The following IMMP2L variants were observed in gnomAD, a reference collection of about 807,000 sequenced individuals.
The protein encoded by IMMP2L is mitochondrial inner membrane protease subunit 2.
In IMMP2L, 18 loss-of-function variants were observed where a neutral mutation model predicts 19.3. The observed-to-expected ratio is 0.93, with a 90% CI of 0.64 to 1.38. IMMP2L has a LOEUF of 1.38. Ranked by LOEUF, IMMP2L falls within the 40% of genes most tolerant of loss-of-function variation. IMMP2L has a pLI of 0.00. For synonymous variants in IMMP2L, 76 were observed against 73.0 expected, an observed-to-expected ratio of 1.04 and a Z score of -0.21; for missense variants, 233 against 218.2, an observed-to-expected ratio of 1.07 and a Z score of -0.43.
intron 3 of IMMP2L, among the ~76,000 whole-genome samples, chr7:111,242,900 A>AT (rs1815284714): frequency 6.6e-6 from 1 of 152,072 alleles, no homozygotes. Flanking sequence ...TTTAGAAACA[A>AT]TTATTGTCCA....
chr7:110,886,624 C>A lies in IMMP2L; in HGVS notation c.377G>T (p.Gly126Val). The part of the protein sequence containing the change: ...GHIWVEGDHH[G>V]HSFDSNSFGP... ...AAAAGAATTACTGTCAAAACTGTGT[C>A]CATGATGATCACCTTCAACCCAGAT... The change falls in exon 5 of 6, where the codon GGA becomes GTA. Residue 126 changes from glycine (G) to valine (V), a missense_variant. Physicochemically the swap from Gly to Val is moderately radical, Grantham distance 109. Coordinates refer to ENST00000405709, the MANE Select transcript of IMMP2L (RefSeq NM_032549.4). 1 of 1,606,040 alleles carries A rather than the reference C, an allele frequency of 6.2e-7. No individual in the cohort carries two copies. Among genetic ancestry groups the A allele is most frequent in the Non-Finnish European group, 8.5e-7 (1 of 1,172,892 alleles).
At chr7:111,498,267 G>T (rs972401881) in intron 2 of IMMP2L, among the ~76,000 whole-genome samples, 2 of 152,024 alleles carry the variant, frequency 1.3e-5, no homozygotes, top group Non-Finnish European at 2.9e-5. Flanking sequence ...CATGTTTTGA[G>T]ATAGCTATTC....
intron 5 of IMMP2L, among the ~76,000 whole-genome samples, chr7:110,754,584 T>G (rs1797928161): frequency 6.6e-6 from 1 of 152,090 alleles, no homozygotes; most frequent in African/African-American, 2.4e-5. Flanking sequence ...GATATTAACT[T>G]GGATTTTGAA....
chr7:111,220,511 GTTAAA>G (rs1270259669), intron 3 of IMMP2L, among the ~76,000 whole-genome samples: 1 of 151,706 alleles, frequency 6.6e-6, no homozygotes, highest in Non-Finnish European at 1.5e-5. Context: ...AAAAATAATT[GTTAAA>G]TTAAATATTC....
chr7:111,022,599 A>AAT (rs1826399155), intron 3 of IMMP2L, among the ~76,000 whole-genome samples: 1 of 152,224 alleles, frequency 6.6e-6, no homozygotes, highest in African/African-American at 2.4e-5. Flanking sequence ...GGACATGTGT[A>AAT]ATACCCCTTT....
At chr7:110,666,448 G>C in intron 5 of IMMP2L, among the ~76,000 whole-genome samples, 1 of 152,048 alleles carries the variant, frequency 6.6e-6, no homozygotes, top group East Asian at 1.9e-4. Context: ...CTAATTTTTT[G>C]TATTTTTAGT....
chr7:111,138,821 T>A (rs979305726), intron 3 of IMMP2L, among the ~76,000 whole-genome samples: 5 of 152,186 alleles, frequency 3.3e-5, no homozygotes, highest in Non-Finnish European at 7.4e-5. Flanking sequence ...ATTTGGTCAC[T>A]TGCCTGGAAT....
chr7:111,026,927 G>A (rs1221845385), intron 3 of IMMP2L, among the ~76,000 whole-genome samples: 1 of 151,836 alleles, frequency 6.6e-6, no homozygotes, highest in Non-Finnish European at 1.5e-5. Flanking sequence ...AGCTACCTGG[G>A]GCCTTACAAA....
intron 3 of IMMP2L, among the ~76,000 whole-genome samples, chr7:111,111,711 C>T (rs2129583828): frequency 6.6e-6 from 1 of 151,938 alleles, no homozygotes; most frequent in Non-Finnish European, 1.5e-5. Context: ...TTGTAGGCAA[C>T]CAAATTTTGC....
intron 5 of IMMP2L, among the ~76,000 whole-genome samples, chr7:110,738,479 C>G (rs1254636358): frequency 1.3e-5 from 2 of 152,038 alleles, no homozygotes; most frequent in Admixed American, 6.6e-5. Context: ...CTTGAGAACT[C>G]AAAAACAAGA....
At chr7:111,447,392 G>A (rs1838600420) in intron 3 of IMMP2L, among the ~76,000 whole-genome samples, 1 of 148,150 alleles carries the variant, frequency 6.7e-6, no homozygotes, top group Non-Finnish European at 1.5e-5. Context: ...AAGAGAGTGG[G>A]GGCCAATATT....
In IMMP2L at chr7:110,774,113, G is replaced by A. The variant is rs902493283; in HGVS notation, c.409-110392C>T. Among the ~76,000 whole-genome samples, 11 of 151,980 alleles carry A rather than the reference G, an allele frequency of 7.2e-5. 1 individual carries two copies. The highest frequency in any genetic ancestry group is 2.0e-4 in the Admixed American group (3 of 15,222). On this transcript the variant is annotated intron_variant, in intron 5 of 5. Coordinates refer to ENST00000405709, the MANE Select transcript of IMMP2L (RefSeq NM_032549.4). ...TATAAGGGTGCCACATTAAAATATT[G>A]TATGGTATTTTATAGTTTTACCAAA...
At chr7:111,232,219 A>C (rs921273129) in intron 3 of IMMP2L, among the ~76,000 whole-genome samples, 1 of 152,018 alleles carries the variant, frequency 6.6e-6, no homozygotes, top group Non-Finnish European at 1.5e-5. Context: ...TTTCCCAAAA[A>C]ATTTATAATA....
At chr7:111,187,407 C>G (rs987170784) in intron 3 of IMMP2L, among the ~76,000 whole-genome samples, 1 of 152,126 alleles carries the variant, frequency 6.6e-6, no homozygotes, top group African/African-American at 2.4e-5. Context: ...CAATACCACC[C>G]AAGCCCAAGT....
At chr7:111,008,356 G>A (rs1185109767) in intron 3 of IMMP2L, among the ~76,000 whole-genome samples, 1 of 151,898 alleles carries the variant, frequency 6.6e-6, no homozygotes, top group Non-Finnish European at 1.5e-5. Context: ...AATGCTACTG[G>A]CTCAGGGACT....
intron 1 of IMMP2L, among the ~76,000 whole-genome samples, chr7:111,522,855 TC>T (rs960683559): frequency 6.6e-6 from 1 of 150,936 alleles, no homozygotes; most frequent in Non-Finnish European, 1.5e-5. Flanking sequence ...ACAGCACTAT[TC>T]ACAATAGCCA....
intron 3 of IMMP2L, among the ~76,000 whole-genome samples, chr7:111,466,733 GCAGATCAAACATATTTGGGAAAAAACTGT>G (rs1249270270): frequency 6.6e-6 from 1 of 152,174 alleles, no homozygotes; most frequent in East Asian, 1.9e-4. Flanking sequence ...TCAGCCAAAA[GCAGATCAAACATATTTGGGAAAAAACTGT>G]CTGTACTAAA....
chr7:111,113,883 C>A (rs747600458), intron 3 of IMMP2L, among the ~76,000 whole-genome samples: 2 of 152,114 alleles, frequency 1.3e-5, no homozygotes, highest in Non-Finnish European at 2.9e-5. Flanking sequence ...GGAACTAAAT[C>A]ATAAGAATGA....
intron 5 of IMMP2L, among the ~76,000 whole-genome samples, chr7:110,672,781 G>A (rs1345176795): frequency 1.3e-5 from 2 of 152,150 alleles, no homozygotes; most frequent in Non-Finnish European, 2.9e-5. Flanking sequence ...TCATATCCAG[G>A]TCACGCTGAT....
Sources: gnomAD v4.1 joint callset for allele counts (sites outside exome capture counted in the v4.1 genomes callset) on GRCh38, gnomAD v4.1.1 for gene constraint, MANE v1.5 for transcripts, NCBI Gene and HGNC (gene_info 2026-07-23, HGNC 2026-07-21) for gene names.